The following VTI1A variants were observed in gnomAD, a reference collection of about 807,000 sequenced individuals.
VTI1A encodes vesicle transport through interaction with t-SNAREs homolog 1A.
A neutral mutation model predicts 34.9 loss-of-function variants in VTI1A; 22 were observed. The ratio of observed to expected loss-of-function variants is 0.63; its 90% CI spans 0.45 to 0.90. VTI1A has a LOEUF of 0.90. Among genes scored for constraint, VTI1A ranks in the 40% least tolerant of loss-of-function variants. The pLI is 0.00. For synonymous variants in VTI1A, 87 were observed against 97.3 expected (o/e 0.89, Z 0.62); for missense variants, 268 against 275.6 (o/e 0.97, Z 0.20).
At chr10:112,551,081 A>G (rs1851339092) in intron 5 of VTI1A, among the ~76,000 whole-genome samples, 2 of 152,002 alleles carry the variant, frequency 1.3e-5, no homozygotes, top group South Asian at 4.1e-4. Context: ...GTCTCTACTA[A>G]AAATACAAAA....
chr10:112,490,511 A>G (rs1848785488), intron 3 of VTI1A, among the ~76,000 whole-genome samples: 1 of 152,174 alleles, frequency 6.6e-6, no homozygotes, highest in East Asian at 1.9e-4. Flanking sequence ...TAGGAGTTGT[A>G]TTAAAATAAC....
intron 7 of VTI1A, among the ~76,000 whole-genome samples, chr10:112,727,764 T>C (rs534074970): frequency 1.3e-4 from 20 of 152,190 alleles, no homozygotes; most frequent in African/African-American, 4.8e-4. Flanking sequence ...TTATTATAAA[T>C]GAAAGGCAAA....
chr10:112,833,028 C>G, the VTI1A span, among the ~76,000 whole-genome samples: 1 of 152,218 alleles, frequency 6.6e-6, no homozygotes, highest in Admixed American at 6.5e-5. Context: ...AGTCCTCCCC[C>G]AGCCCTGGTC....
At chr10:112,749,718 G>A (rs1181398735) in intron 7 of VTI1A, among the ~76,000 whole-genome samples, 2 of 152,168 alleles carry the variant, frequency 1.3e-5, no homozygotes, top group Non-Finnish European at 1.5e-5. Flanking sequence ...GGAGGGACCT[G>A]GAAATCAGTT....
intron 3 of VTI1A, among the ~76,000 whole-genome samples, chr10:112,520,941 C>T (rs1850005351): frequency 6.6e-6 from 1 of 151,834 alleles, no homozygotes; most frequent in Non-Finnish European, 1.5e-5. Context: ...TTGGCAGTCT[C>T]ATGGTAACCT....
rs373860595 is a variant in VTI1A at position 112,615,085 on chromosome 10, C to A, written c.428-53133C>A. Among the ~76,000 whole-genome samples, 24 of 152,148 alleles carry A rather than the reference C, an allele frequency of 1.6e-4. No individual in the cohort carries two copies. The East Asian group carries it at 3.9e-3, about 24-fold the overall frequency. ...ATTAGCTGAAAAAAAACCTAAAAAT[C>A]CATAAGTATCTAACATTTGTATTGG... On this transcript the variant is annotated intron_variant, in intron 5 of 7. Coordinates refer to ENST00000393077, the MANE Select transcript of VTI1A (RefSeq NM_145206.4).
chr10:112,489,200 C>T (rs1300903891), intron 3 of VTI1A, among the ~76,000 whole-genome samples: 5 of 152,274 alleles, frequency 3.3e-5, no homozygotes, highest in South Asian at 2.1e-4. Flanking sequence ...CAGGACCATA[C>T]GTTGAGAACT....
intron 7 of VTI1A, among the ~76,000 whole-genome samples, chr10:112,778,456 C>T (rs917862229): frequency 2.6e-5 from 4 of 152,132 alleles, no homozygotes; most frequent in Non-Finnish European, 5.9e-5. Flanking sequence ...ACCACAACCC[C>T]GATACCATCT....
chr10:112,457,740 A>G (rs900337788), intron 1 of VTI1A, among the ~76,000 whole-genome samples: 5 of 152,202 alleles, frequency 3.3e-5, no homozygotes, highest in African/African-American at 9.7e-5. Flanking sequence ...AAAGGCAAGG[A>G]CTGAACTCCA....
intron 7 of VTI1A, among the ~76,000 whole-genome samples, chr10:112,678,089 A>G (rs1255326164): frequency 1.3e-5 from 2 of 152,262 alleles, no homozygotes; most frequent in African/African-American, 4.8e-5. Context: ...CCATTCAAAG[A>G]TAAAATATGT....
At chr10:112,538,173 T>G in intron 4 of VTI1A, 73 bp from the exon 5 acceptor site, 22 of 1,408,450 alleles carry the variant, frequency 1.6e-5, no homozygotes, top group Non-Finnish European at 2.2e-5. Flanking sequence ...ACGAAGGCAT[T>G]TTTTTTTTAA....
chr10:112,776,530 C>A (rs1851960445), intron 7 of VTI1A, among the ~76,000 whole-genome samples: 1 of 152,078 alleles, frequency 6.6e-6, no homozygotes, highest in African/African-American at 2.4e-5. Flanking sequence ...ATCCGTCTAT[C>A]CGGCCTCCCA....
intron 3 of VTI1A, among the ~76,000 whole-genome samples, chr10:112,499,794 C>T (rs1358194781): frequency 6.6e-6 from 1 of 152,106 alleles, no homozygotes; most frequent in Middle Eastern, 3.2e-3. Flanking sequence ...TTTGCCTTAC[C>T]CTCACCCCCA....
chr10:112,738,014 G>A, intron 7 of VTI1A: 1 of 501,996 alleles, frequency 2.0e-6, no homozygotes, highest in Non-Finnish European at 2.6e-6. Flanking sequence ...GTCTTGTCTG[G>A]TTAATGAAGT....
At chr10:112,674,468 C>T (rs1003196528) in intron 7 of VTI1A, among the ~76,000 whole-genome samples, 5 of 152,162 alleles carry the variant, frequency 3.3e-5, no homozygotes, top group South Asian at 2.1e-4. Context: ...GCATGGGTAA[C>T]GTTTTTACCA....
chr10:112,844,329 A>G, the VTI1A span, among the ~76,000 whole-genome samples: 11 of 152,126 alleles, frequency 7.2e-5, no homozygotes, highest in Non-Finnish European at 1.5e-4. Context: ...TTAACTTCCA[A>G]ACTTGAGTTG....
intron 7 of VTI1A, among the ~76,000 whole-genome samples, chr10:112,731,523 C>T (rs577092151): frequency 2.0e-4 from 30 of 150,294 alleles, no homozygotes; most frequent in African/African-American, 6.6e-4. Context: ...TGCAGTGAGC[C>T]GAGATCGTGC....
At chr10:112,502,600 A>G (rs765148607) in intron 3 of VTI1A, among the ~76,000 whole-genome samples, 3 of 152,180 alleles carry the variant, frequency 2.0e-5, no homozygotes, top group Non-Finnish European at 4.4e-5. Flanking sequence ...CAGGTCATGC[A>G]TTCTGAATTA....
chr10:112,774,114 C>T (rs1361601803), intron 7 of VTI1A, among the ~76,000 whole-genome samples: 1 of 152,108 alleles, frequency 6.6e-6, no homozygotes, highest in African/African-American at 2.4e-5. Flanking sequence ...GCACTGAGGC[C>T]GTGGAAACTG....
Sources: allele counts gnomAD v4.1 joint callset (sites outside exome capture counted in the v4.1 genomes callset), GRCh38; gene constraint gnomAD v4.1.1; transcripts MANE v1.5; gene names NCBI Gene and HGNC (gene_info 2026-07-23, HGNC 2026-07-21).